Variants in SEMA4G observed in about 807,000 individuals in gnomAD.
The protein encoded by SEMA4G is semaphorin 4G, also known as semaphorin-4G.
SEMA4G carries 59 observed loss-of-function variants against 81.2 expected under a neutral mutation model. That is an observed-to-expected ratio of 0.73 (90% CI 0.59 to 0.90). SEMA4G has a LOEUF of 0.90. Among genes scored for constraint, SEMA4G ranks in the 40% least tolerant of loss-of-function variants. The pLI, the probability that SEMA4G is intolerant of heterozygous loss-of-function variation, is 0.00. For synonymous variants in SEMA4G, 404 were observed against 433.9 expected, an observed-to-expected ratio of 0.93 and a Z score of 0.86; for missense variants, 952 against 1,102.3, an observed-to-expected ratio of 0.86 and a Z score of 1.93.
At chr10:100,969,742 C>G, upstream of SEMA4G, 1 of 413,674 alleles carries the variant, frequency 2.4e-6, no homozygotes. Context: ...CATGACGGCT[C>G]TAGAGGGGCG....
Position 100,983,902 on chromosome 10 carries a change from CAGCCCCA to C in SEMA4G, c.2289_2295del (p.Ala764HisfsTer12). 6.7e-7 allele frequency: 1 copy of C among 1,502,924 alleles called. No homozygotes were observed. The highest frequency in any genetic ancestry group is 8.9e-7 in the Non-Finnish European group (1 of 1,119,566). The allele number at this position is 1,502,924 out of a possible 1,614,324, so 93.1% of individuals were successfully genotyped here. A position where few individuals can be genotyped will look rare whatever the true frequency, so the allele number is the denominator to read the frequency against. Reference sequence around the variant, plus strand: ...CAGATCATCCCTGGGGAGGGAGCCCCAGCCCCACCACCCCCACCGCCCCCACCGCCAC... The same window carrying C: ...CAGATCATCCCTGGGGAGGGAGCCCCCCACCCCCACCGCCCCCACCGCCAC... On this transcript the variant is annotated frameshift_variant, in exon 14 of 14. Coordinates refer to ENST00000370250, the Ensembl canonical transcript of SEMA4G. LOFTEE classifies it high-confidence loss of function.
chr10:100,983,201 G>A lies in SEMA4G; in HGVS notation c.1691-104G>A, dbSNP rs1239353108. ...GGGTCAGCTGTCACTGTGATTCTGGGTTCTGTGCTTGGTGCCAGGGACTTG... is the reference window on the plus strand; with the variant it reads ...GGGTCAGCTGTCACTGTGATTCTGGATTCTGTGCTTGGTGCCAGGGACTTG... On this transcript the variant is annotated intron_variant, in intron 13 of 13. Transcript: ENST00000370250. 3.8e-6 allele frequency: 5 copies of A among 1,323,464 alleles called. No homozygotes were observed. The East Asian group carries it at 1.3e-4, about 34-fold the overall frequency. 82.0% of individuals were successfully genotyped at this position (1,323,464 alleles called of 1,614,324 possible).
At chr10:100,972,942 C>T in exon 1 of SEMA4G, 1 of 1,613,036 alleles carries the variant, frequency 6.2e-7, no homozygotes. Context: ...CCCTCCTCCT[C>T]AGCATCCTCA....
chr10:100,979,386 ATT>A (rs35784439), intron 8 of SEMA4G, 115 bp downstream of exon 9: 819 of 1,453,298 alleles, frequency 5.6e-4, no homozygotes, highest in Admixed American at 1.7e-3. Flanking sequence ...CAAAGTGAGA[ATT>A]TTTTTTTTTT....
At chr10:100,975,173 C>T (rs1456173645) in intron 3 of SEMA4G, 2 of 407,700 alleles carry the variant, frequency 4.9e-6, no homozygotes, top group African/African-American at 4.2e-5. Context: ...TGACAGTGAA[C>T]ACCCTCAGAA....
chr10:100,975,092 G>A (rs1295963495), intron 3 of SEMA4G: 1 of 518,852 alleles, frequency 1.9e-6, no homozygotes, highest in Non-Finnish European at 3.9e-6. Context: ...AGAAAATGGG[G>A]CTGGGGAGGC....
At chr10:100,971,533 C>T (rs1850631008), upstream of SEMA4G, among the ~76,000 whole-genome samples, 1 of 152,234 alleles carries the variant, frequency 6.6e-6, no homozygotes, top group African/African-American at 2.4e-5. Flanking sequence ...CCTGATTCCT[C>T]CCCTCTTTCC....
upstream of SEMA4G, chr10:100,972,426 G>A (rs749231000): frequency 2.6e-5 from 4 of 154,612 alleles, no homozygotes; most frequent in Non-Finnish European, 5.7e-5. Context: ...TTCTGTGGAT[G>A]CTGGGCCTCC....
Position 100,973,238 on chromosome 10 carries a change from T to G in SEMA4G, c.234T>G (p.Ser78=). The G allele has an allele frequency of 6.2e-7, 1 of 1,613,502 alleles. No individual in the cohort carries two copies. Among genetic ancestry groups the G allele is most frequent in the Non-Finnish European group, 8.5e-7 (1 of 1,180,026 alleles). The change falls in exon 2 of 14, where the codon TCT becomes TCG. Residue 78 remains serine, a synonymous_variant. Coordinates refer to ENST00000370250, the Ensembl canonical transcript of SEMA4G. The surrounding 1 kb of genome is among the most constrained non-coding windows in gnomAD (Gnocchi z 5.5). ...TGGGAGCCCGAGGTGCCCTGTTCTC[T>G]CTCAGTGCCAACGACATAGGAGATG... is the stretch of plus-strand genomic sequence containing the variant.
At chr10:100,971,543 C>G (rs1435138971), upstream of SEMA4G, among the ~76,000 whole-genome samples, 1 of 152,208 alleles carries the variant, frequency 6.6e-6, no homozygotes, top group East Asian at 1.9e-4. Context: ...CCCCTCTTTC[C>G]AAGGCCAGAT....
At chr10:100,981,259 C>T in intron 13 of SEMA4G, 30 bp downstream of exon 14, 1 of 1,609,706 alleles carries the variant, frequency 6.2e-7, no homozygotes, top group South Asian at 1.1e-5. Context: ...GTGGGTCTAG[C>T]TACGCAGACT....
exon 5 of SEMA4G, chr10:100,978,307 T>A: frequency 6.2e-7 from 1 of 1,613,098 alleles, no homozygotes; most frequent in Non-Finnish European, 8.5e-7. Flanking sequence ...TGCTGAGGCC[T>A]TCACCTTGCC....
chr10:100,979,159 C>T (rs954409603), exon 8 of SEMA4G: 19 of 1,614,058 alleles, frequency 1.2e-5, no homozygotes, highest in East Asian at 2.2e-5. Context: ...CCTGAAAGCC[C>T]GTCTCATCTG....
intron 4 of SEMA4G, 165 bp from the exon 6 acceptor site, chr10:100,978,130 T>C: frequency 4.9e-6 from 3 of 607,928 alleles, no homozygotes; most frequent in Non-Finnish European, 8.8e-6. Context: ...TTTGAGGCCA[T>C]AAGGTCATTC....
At chr10:100,971,046 C>A (rs1239257955), upstream of SEMA4G, among the ~76,000 whole-genome samples, 2 of 152,182 alleles carry the variant, frequency 1.3e-5, no homozygotes, top group Non-Finnish European at 2.9e-5. Flanking sequence ...TATGTGTGCA[C>A]AAAACTCCCT....
exon 14 of SEMA4G, chr10:100,983,912 A>ACCCCCC: frequency 2.2e-5 from 4 of 185,368 alleles, no homozygotes; most frequent in Non-Finnish European, 3.3e-5. Flanking sequence ...CAGCCCCACC[A>ACCCCCC]CCCCCACCGC....
intron 3 of SEMA4G, among the ~76,000 whole-genome samples, chr10:100,976,706 A>C (rs535470792): frequency 5.0e-4 from 76 of 152,354 alleles, no homozygotes; most frequent in Middle Eastern, 3.4e-3. Context: ...CTCTGGAAGG[A>C]AACTTCAGAC....
chr10:100,974,776 GTCTGGCTAGGTAATGGCTCCA>G (rs1219883412), intron 3 of SEMA4G, among the ~76,000 whole-genome samples: 1 of 152,162 alleles, frequency 6.6e-6, no homozygotes, highest in South Asian at 2.1e-4. Flanking sequence ...GGGGTCCCAT[GTCTGGCTAGGTAATGGCTCCA>G]TCTGGAGAGC....
At chr10:100,984,509 T>C (rs775161961) in exon 14 of SEMA4G, 312 of 1,535,836 alleles carry the variant, frequency 2.0e-4, no homozygotes, top group Non-Finnish European at 2.5e-4. Context: ...TGCAGGTCCA[T>C]ATGGGCTCAA....
Sources: allele counts gnomAD v4.1 joint callset (sites outside exome capture counted in the v4.1 genomes callset), GRCh38; gene constraint gnomAD v4.1.1; non-coding constraint Gnocchi (gnomAD v3.1); transcripts MANE v1.5; gene names NCBI Gene and HGNC (gene_info 2026-07-23, HGNC 2026-07-21).